Variants in GPHN observed in about 807,000 individuals in gnomAD.
The protein encoded by GPHN is gephyrin.
In GPHN, 17 loss-of-function variants were observed where a neutral mutation model predicts 95.5. The ratio of observed to expected loss-of-function variants is 0.18; its 90% CI spans 0.12 to 0.27. The LOEUF (loss-of-function observed/expected upper bound fraction) is 0.27, where lower values mean the gene tolerates loss of function less well. Ranked by LOEUF, GPHN falls within the 10% of genes least tolerant of loss-of-function variation. GPHN has a pLI of 1.00. For missense variants in GPHN, 660 were observed against 978.1 expected, an observed-to-expected ratio of 0.67 and a Z score of 4.34; for synonymous variants, 320 against 322.5, an observed-to-expected ratio of 0.99 and a Z score of 0.08.
chr14:66,789,610 G>A (rs1047058311), intron 3 of GPHN, among the ~76,000 whole-genome samples: 2 of 152,138 alleles, frequency 1.3e-5, no homozygotes, highest in Admixed American at 1.3e-4. Flanking sequence ...CAGGTCCCCA[G>A]AATTAAGGGT....
At chr14:67,002,365 T>TA (rs2072296692) in intron 9 of GPHN, among the ~76,000 whole-genome samples, 1 of 148,598 alleles carries the variant, frequency 6.7e-6, no homozygotes, top group African/African-American at 2.5e-5. Context: ...AGCCTGTGCT[T>TA]ACCATGTGAT....
intron 1 of GPHN, among the ~76,000 whole-genome samples, chr14:66,614,874 A>G (rs1480456609): frequency 6.6e-6 from 1 of 152,068 alleles, no homozygotes; most frequent in South Asian, 2.1e-4. Context: ...CTAACCGCTC[A>G]TCACCCAACA....
At chr14:67,017,520 T>C (rs147421308) in intron 9 of GPHN, among the ~76,000 whole-genome samples, 82 of 152,220 alleles carry the variant, frequency 5.4e-4, no homozygotes, top group African/African-American at 1.7e-3. Context: ...TGATTACTCT[T>C]AAATAAGTTT....
chr14:66,761,406 G>C (rs1305806672), intron 2 of GPHN, among the ~76,000 whole-genome samples: 2 of 152,196 alleles, frequency 1.3e-5, no homozygotes, highest in African/African-American at 4.8e-5. Context: ...TAGAAGGGGG[G>C]ATACAACAAG....
chr14:67,129,858 C>T lies in GPHN; in HGVS notation c.1748+7481C>T, dbSNP rs1027049180. Among the ~76,000 whole-genome samples, 11 of 139,068 alleles carry T rather than the reference C, an allele frequency of 7.9e-5. No individual in the cohort carries two copies. In the East Asian group the frequency reaches 2.1e-3, roughly 27 times the overall value. 91.2% of individuals were successfully genotyped at this position (139,068 alleles called of 152,430 possible). ...GGAGGGAGGAAGGAAGGAAGGAAGGCGGAGGGAGGGAGGAAGGCAGGAAGA... is the reference window on the plus strand; with the variant it reads ...GGAGGGAGGAAGGAAGGAAGGAAGGTGGAGGGAGGGAGGAAGGCAGGAAGA... On this transcript the variant is annotated intron_variant, in intron 17 of 22. Coordinates refer to ENST00000478722, the MANE Select transcript of GPHN (RefSeq NM_020806.5).
intron 9 of GPHN, chr14:66,985,821 G>C: frequency 1.5e-6 from 1 of 681,500 alleles, no homozygotes; most frequent in Non-Finnish European, 2.4e-6. Context: ...GGGAGGAAGG[G>C]GGCTTTTTCC....
chr14:67,152,066 T>C (rs552251188), intron 18 of GPHN, among the ~76,000 whole-genome samples: 1 of 152,342 alleles, frequency 6.6e-6, no homozygotes, highest in South Asian at 2.1e-4. Context: ...TTTAACTTTT[T>C]ATAGATAAAA....
chr14:66,737,599 C>T (rs909540074), intron 2 of GPHN, among the ~76,000 whole-genome samples: 2 of 152,114 alleles, frequency 1.3e-5, no homozygotes, highest in Admixed American at 1.3e-4. Context: ...CCATATTGAA[C>T]TCTGAAAGCC....
chr14:67,425,077 G>C, the GPHN span, among the ~76,000 whole-genome samples: 1 of 152,200 alleles, frequency 6.6e-6, no homozygotes, highest in Admixed American at 6.5e-5. Flanking sequence ...TTTTTTGTTT[G>C]TTTGCTTTGT....
rs1274420899 is a variant in GPHN at position 66,862,128 on chromosome 14, TAAAC to T, written c.295-17807_295-17804del. ...AAGAAAAAAGGAGAGAAGATACAAA[TAAAC>T]AAAATCAAAAATGGAAAAGGAGTCA... On this transcript the variant is annotated intron_variant, in intron 4 of 22. Coordinates refer to ENST00000478722, the MANE Select transcript of GPHN (RefSeq NM_020806.5). Among the ~76,000 whole-genome samples, 107 of 151,810 alleles carry T rather than the reference TAAAC, an allele frequency of 7.0e-4. 3 individuals are homozygous for T. The highest frequency in any genetic ancestry group is 2.1e-4 in the South Asian group (1 of 4,814).
intron 15 of GPHN, 149 bp downstream of exon 15, chr14:67,112,068 T>C: frequency 1.4e-6 from 1 of 709,564 alleles, no homozygotes; most frequent in South Asian, 1.6e-5. Flanking sequence ...ATGTTATGAA[T>C]TCTGTATCAC....
At chr14:67,592,340 T>C in the GPHN span, 1 of 441,782 alleles carries the variant, frequency 2.3e-6, no homozygotes, top group Non-Finnish European at 4.1e-6. Context: ...CTCAGGAGGC[T>C]GAGGCAGGAG....
chr14:67,682,181 A>G, the GPHN span, among the ~76,000 whole-genome samples: 1 of 152,248 alleles, frequency 6.6e-6, no homozygotes, highest in Non-Finnish European at 1.5e-5. Context: ...TCTTTACTAA[A>G]GACAGTAGTA....
chr14:67,298,383 C>A, the GPHN span, among the ~76,000 whole-genome samples: 1 of 151,770 alleles, frequency 6.6e-6, no homozygotes, highest in African/African-American at 2.4e-5. Flanking sequence ...GGTGTGGTGG[C>A]GGGCACCTGT....
intron 1 of GPHN, among the ~76,000 whole-genome samples, chr14:66,589,325 C>G (rs184485305): frequency 2.6e-5 from 4 of 152,256 alleles, no homozygotes; most frequent in Admixed American, 1.3e-4. Flanking sequence ...ACCGCATCAG[C>G]TAATGGGCAA....
At chr14:67,718,784 G>A in the GPHN span, among the ~76,000 whole-genome samples, 1 of 152,196 alleles carries the variant, frequency 6.6e-6, no homozygotes, top group Non-Finnish European at 1.5e-5. Context: ...TTACAATGAT[G>A]AAGTGGGTGA....
At chr14:66,866,408 T>TA (rs1321399611) in intron 4 of GPHN, among the ~76,000 whole-genome samples, 1 of 152,206 alleles carries the variant, frequency 6.6e-6, no homozygotes. Context: ...TACAAAGTAG[T>TA]ACTGTTTATA....
chr14:66,513,671 C>T (rs925958283), intron 1 of GPHN, among the ~76,000 whole-genome samples: 17 of 151,798 alleles, frequency 1.1e-4, no homozygotes, highest in African/African-American at 3.9e-4. Context: ...GATTGTTTAA[C>T]CTACTTAAAA....
At chr14:67,423,529 C>T in the GPHN span, among the ~76,000 whole-genome samples, 11 of 151,998 alleles carry the variant, frequency 7.2e-5, no homozygotes, top group Admixed American at 4.6e-4. Flanking sequence ...GGGTCCTTTG[C>T]TAGAACCAGG....
Sources: gnomAD v4.1 joint callset for allele counts (sites outside exome capture counted in the v4.1 genomes callset) on GRCh38, gnomAD v4.1.1 for gene constraint, MANE v1.5 for transcripts, NCBI Gene and HGNC (gene_info 2026-07-23, HGNC 2026-07-21) for gene names.